MED27: variants seen among roughly 807,000 people sequenced by gnomAD.
The protein encoded by MED27 is mediator complex subunit 27, also known as mediator of RNA polymerase II transcription subunit 27.
In MED27, 30 loss-of-function variants were observed where a neutral mutation model predicts 38.2. The ratio of observed to expected loss-of-function variants is 0.79; its 90% CI spans 0.59 to 1.07. The LOEUF (loss-of-function observed/expected upper bound fraction) is 1.07, where lower values mean the gene tolerates loss of function less well. Ranked by LOEUF, MED27 falls within the 50% of genes least tolerant of loss-of-function variation. The probability of loss-of-function intolerance (pLI) is 0.00; values close to 1 mark genes in which losing one functional copy is unlikely to be tolerated. For missense variants in MED27, 289 were observed against 397.5 expected, an observed-to-expected ratio of 0.73 and a Z score of 2.32; for synonymous variants, 122 against 153.5, an observed-to-expected ratio of 0.79 and a Z score of 1.52.
intron 2 of MED27, among the ~76,000 whole-genome samples, chr9:132,050,174 T>TA (rs1395934829): frequency 1.3e-5 from 2 of 152,160 alleles, no homozygotes; most frequent in African/African-American, 4.8e-5. Flanking sequence ...GAAGGGACAG[T>TA]AAGCAGGCCT....
intron 3 of MED27, among the ~76,000 whole-genome samples, chr9:131,978,660 T>C (rs1033653144): frequency 5.9e-5 from 9 of 152,260 alleles, no homozygotes; most frequent in Admixed American, 5.9e-4. Flanking sequence ...AAGTTCTCCA[T>C]TAAAAAGTTA....
At chr9:131,887,062 C>A (rs1267408161) in intron 5 of MED27, among the ~76,000 whole-genome samples, 3 of 152,156 alleles carry the variant, frequency 2.0e-5, no homozygotes. Flanking sequence ...CTGCTTACAT[C>A]ATACATAAGC....
intron 3 of MED27, among the ~76,000 whole-genome samples, chr9:131,980,259 T>C (rs1031177598): frequency 6.6e-6 from 1 of 152,118 alleles, no homozygotes; most frequent in Non-Finnish European, 1.5e-5. Flanking sequence ...GAGCAGTTGC[T>C]CTAAGCACTG....
chr9:132,041,255 G>A (rs1224407031), intron 2 of MED27, among the ~76,000 whole-genome samples: 1 of 152,208 alleles, frequency 6.6e-6, no homozygotes, highest in Non-Finnish European at 1.5e-5. Context: ...GGTCCAAAGT[G>A]GGAGAGTAGA....
rs950227974 is a variant in MED27, at chr9:131,889,595, G to A, written c.681+4290C>T. On this transcript the variant is annotated intron_variant, in intron 5 of 7. Transcript: ENST00000292035. The surrounding 1 kb of genome is among the most constrained non-coding windows in gnomAD (Gnocchi z 4.2). ...TTGGTATCAAAAATATGCATTGCAG[G>A]TAAAGAGACAGGATGCTAGGGTCAT... 6.6e-6 allele frequency among the ~76,000 whole-genome samples: 1 copy of A among 152,202 alleles called. No homozygotes were observed. The highest frequency in any genetic ancestry group is 1.5e-5 in the Non-Finnish European group (1 of 68,048).
chr9:132,045,230 C>T (rs550250867), intron 2 of MED27, among the ~76,000 whole-genome samples: 6 of 152,124 alleles, frequency 3.9e-5, no homozygotes, highest in Non-Finnish European at 5.9e-5. Context: ...CAAGATTGTT[C>T]CCTGCAGGCA....
rs1464380952 is a variant in MED27, at chr9:131,997,137, C to T, written c.479+17200G>A. 1.3e-5 allele frequency among the ~76,000 whole-genome samples: 2 copies of T among 151,826 alleles called. No homozygotes were observed. The highest frequency in any genetic ancestry group is 4.8e-5 in the African/African-American group (2 of 41,304). ...GCCAAGTTTTTCTCCTCTGTAAGCC[C>T]TTATCTTATCATGTTGAAAGGTTGT... On this transcript the variant is annotated intron_variant, in intron 3 of 7. Coordinates refer to ENST00000292035, the MANE Select transcript of MED27 (RefSeq NM_004269.4). The surrounding 1 kb of genome is among the most constrained non-coding windows in gnomAD (Gnocchi z 4.0).
intron 2 of MED27, chr9:132,073,552 T>C: frequency 2.2e-6 from 3 of 1,370,898 alleles, no homozygotes; most frequent in Middle Eastern, 2.7e-4. Context: ...TGTAAAACGA[T>C]TCCAACCCTG....
intron 3 of MED27, among the ~76,000 whole-genome samples, chr9:132,011,071 C>T (rs1298877799): frequency 6.6e-6 from 1 of 151,916 alleles, no homozygotes; most frequent in Non-Finnish European, 1.5e-5. Context: ...TAGAATACAA[C>T]CAAAAGATGG....
At chr9:132,070,341 A>C (rs1208402656) in intron 2 of MED27, among the ~76,000 whole-genome samples, 1 of 152,204 alleles carries the variant, frequency 6.6e-6, no homozygotes, top group Non-Finnish European at 1.5e-5. Flanking sequence ...GGATGGCTTG[A>C]ACCTAGGAGT....
chr9:131,902,039 A>G (rs751158742), intron 4 of MED27, among the ~76,000 whole-genome samples: 5 of 152,116 alleles, frequency 3.3e-5, no homozygotes, highest in Non-Finnish European at 7.4e-5. Context: ...GTGACCAAAG[A>G]GCCTTGAGTC....
chr9:131,862,978 T>TGCA lies in MED27; in HGVS notation c.801+82_801+84dup. On this transcript the variant is annotated intron_variant, in intron 7 of 7. Coordinates refer to ENST00000292035, the MANE Select transcript of MED27 (RefSeq NM_004269.4). The surrounding 1 kb of genome is among the most constrained non-coding windows in gnomAD (Gnocchi z 4.6). The stretch of plus-strand genomic sequence containing the variant: ...CTGGGAGGCCCTCAAAGTCTGAAGA[T>TGCA]GCAACGGCTGCCCTTCAAGCTCCCT... The TGCA allele has an allele frequency of 8.4e-7, 1 of 1,187,126 alleles. No individual in the cohort carries two copies. The highest frequency in any genetic ancestry group is 1.2e-6 in the Non-Finnish European group (1 of 811,014). 73.5% of individuals were successfully genotyped at this position (1,187,126 alleles called of 1,614,324 possible). A position where few individuals can be genotyped will look rare whatever the true frequency, so the allele number is the denominator to read the frequency against.
In MED27 at chr9:132,077,511, G is replaced by A. The variant is rs1262070373; in HGVS notation, c.279C>T (p.Ser93=). Residue 93 remains serine, a synonymous_variant, in exon 2 of 8, where the codon AGC becomes AGT. Coordinates refer to ENST00000292035, the MANE Select transcript of MED27 (RefSeq NM_004269.4). ...NHPLHNSGLL[S]LDPVQDKTPL... ...GAGTTTTGTCCTGCACAGGATCCAGGCTTAACAGCCCACTGTTATGAAGAG... is the reference window on the plus strand; with the variant it reads ...GAGTTTTGTCCTGCACAGGATCCAGACTTAACAGCCCACTGTTATGAAGAG... The A allele has an allele frequency of 1.9e-6, 3 of 1,613,956 alleles. No homozygotes were observed. The highest frequency in any genetic ancestry group is 1.7e-5 in the Admixed American group (1 of 60,020).
chr9:131,983,545 T>C (rs575640714), intron 3 of MED27, among the ~76,000 whole-genome samples: 1 of 152,358 alleles, frequency 6.6e-6, no homozygotes, highest in African/African-American at 2.4e-5. Context: ...CGTATTACTA[T>C]ATTAAACCTA....
rs976520473 is a variant in MED27 at position 131,913,311 on chromosome 9, A to G, written c.574-19319T>C. Among the ~76,000 whole-genome samples, 1 of 152,216 alleles carries G rather than the reference A, an allele frequency of 6.6e-6. No individual in the cohort carries two copies. Among genetic ancestry groups the G allele is most frequent in the Non-Finnish European group, 1.5e-5 (1 of 68,042 alleles). On this transcript the variant is annotated intron_variant, in intron 4 of 7. Coordinates refer to ENST00000292035, the MANE Select transcript of MED27 (RefSeq NM_004269.4). This position sits in a 1 kb window ranked among gnomAD's most constrained non-coding sequence, Gnocchi z 4.5. ...AGGACTTGGGCATTTCATGGATCTC[A>G]CTTCAAATCCCAGCTGTACCACTTA...
intron 3 of MED27, among the ~76,000 whole-genome samples, chr9:132,013,604 G>A (rs1004124110): frequency 7.2e-5 from 11 of 152,096 alleles, no homozygotes; most frequent in Non-Finnish European, 1.0e-4. Flanking sequence ...AAATGTGAAC[G>A]AATGAACCTA....
intron 3 of MED27, among the ~76,000 whole-genome samples, chr9:132,009,517 G>T (rs533680945): frequency 1.0e-3 from 159 of 152,340 alleles, no homozygotes; most frequent in Middle Eastern, 6.8e-3. Flanking sequence ...ATGTCATGAG[G>T]ATATTCAAGC....
chr9:131,863,027 G>T (rs964277065), intron 7 of MED27, 36 bp downstream of exon 7: 1 of 1,593,796 alleles, frequency 6.3e-7, no homozygotes, highest in African/African-American at 1.3e-5. Flanking sequence ...GGGAGCTGAG[G>T]TTTAAACAGG....
intron 3 of MED27, among the ~76,000 whole-genome samples, chr9:131,977,543 C>A (rs1229514693): frequency 6.6e-6 from 1 of 152,170 alleles, no homozygotes; most frequent in African/African-American, 2.4e-5. Context: ...GTGGACCACT[C>A]TGCTCTGCGG....
Sources: gnomAD v4.1 joint callset for allele counts (sites outside exome capture counted in the v4.1 genomes callset) on GRCh38, gnomAD v4.1.1 for gene constraint, Gnocchi (gnomAD v3.1) non-coding constraint, MANE v1.5 for transcripts, NCBI Gene and HGNC (gene_info 2026-07-23, HGNC 2026-07-21) for gene names.